Variants in RIC1 observed in about 807,000 individuals in gnomAD.
RIC1 encodes RIC1 partner of RAB6A GEF complex.
In RIC1, 88 loss-of-function variants were observed where a neutral mutation model predicts 169.0. The observed-to-expected ratio is 0.52, with a 90% CI of 0.44 to 0.62. The LOEUF is 0.62. Among genes scored for constraint, RIC1 ranks in the 20% least tolerant of loss-of-function variants. The pLI is 0.00. For synonymous variants in RIC1, 790 were observed against 601.5 expected (o/e 1.31, Z -4.59); for missense variants, 1,877 against 1,725.5 (o/e 1.09, Z -1.56).
chr9:5,762,520 C>T (rs371929340), intron 17 of RIC1, 21 bp from the exon 18 acceptor site: 607 of 1,612,292 alleles, frequency 3.8e-4, no homozygotes, highest in Admixed American at 6.7e-4. Flanking sequence ...ATGAATTTAG[C>T]TGCTTTTTCT....
At chr9:5,686,470 C>G (rs1821233836) in intron 2 of RIC1, among the ~76,000 whole-genome samples, 1 of 152,080 alleles carries the variant, frequency 6.6e-6, no homozygotes, top group African/African-American at 2.4e-5. Context: ...AGTTCATGTC[C>G]TTTGTAGAGA....
At chr9:5,678,408 C>T (rs2130621124) in intron 2 of RIC1, among the ~76,000 whole-genome samples, 1 of 151,922 alleles carries the variant, frequency 6.6e-6, no homozygotes, top group Non-Finnish European at 1.5e-5. Context: ...TTCTAGATCC[C>T]TGAGGAATCG....
At chr9:5,695,278 G>A (rs1196404163) in intron 3 of RIC1, among the ~76,000 whole-genome samples, 1 of 152,220 alleles carries the variant, frequency 6.6e-6, no homozygotes, top group African/African-American at 2.4e-5. Flanking sequence ...ATAATTTATA[G>A]TTAGTAAGAA....
chr9:5,756,283 A>G lies in RIC1; in HGVS notation c.1764A>G (p.Thr588=). The G allele has an allele frequency of 1.2e-6, 2 of 1,604,272 alleles. No individual in the cohort carries two copies. The highest frequency in any genetic ancestry group is 1.7e-6 in the Non-Finnish European group (2 of 1,173,334). Residue 588 remains threonine (T), a synonymous_variant, in exon 16 of 26, where the codon ACA becomes ACG. Transcript: ENST00000414202. ...FAHVTKAQAE[T]LLLSVFQDMV... ...ATGTCACCAAAGCACAAGCAGAAAC[A>G]TTACTGCTTAGTGTCTTCCAGGACA...
intron 2 of RIC1, among the ~76,000 whole-genome samples, chr9:5,669,092 G>T (rs2130550514): frequency 6.6e-6 from 1 of 152,198 alleles, no homozygotes; most frequent in South Asian, 2.1e-4. Context: ...ATGATTTTTT[G>T]AAACTCTTTT....
At chr9:5,675,395 G>T (rs922245835) in intron 2 of RIC1, among the ~76,000 whole-genome samples, 1 of 152,080 alleles carries the variant, frequency 6.6e-6, no homozygotes, top group Non-Finnish European at 1.5e-5. Flanking sequence ...GCAAAGAATT[G>T]AACTTACTGA....
chr9:5,637,203 G>A (rs751316953), intron 1 of RIC1, among the ~76,000 whole-genome samples: 30 of 152,054 alleles, frequency 2.0e-4, no homozygotes, highest in Non-Finnish European at 2.9e-4. Context: ...GGGACTACAG[G>A]TGTGCCCCAC....
intron 21 of RIC1, among the ~76,000 whole-genome samples, chr9:5,768,402 C>T (rs906549705): frequency 3.9e-5 from 6 of 152,116 alleles, no homozygotes; most frequent in Non-Finnish European, 8.8e-5. Context: ...TGGCAAGTAC[C>T]TGTAGTCCCA....
intron 4 of RIC1, 41 bp from the exon 5 acceptor site, chr9:5,720,141 C>T (rs754792807): frequency 1.3e-6 from 2 of 1,545,592 alleles, no homozygotes; most frequent in Admixed American, 1.7e-5. Flanking sequence ...ACATTGCTTT[C>T]CCAGTATGCT....
At chr9:5,751,481 G>A (rs1189114628) in intron 12 of RIC1, among the ~76,000 whole-genome samples, 7 of 151,680 alleles carry the variant, frequency 4.6e-5, no homozygotes, top group Non-Finnish European at 7.4e-5. Flanking sequence ...TCAGCTTCCC[G>A]AGTAGCTGGG....
rs2130385502 is a variant in RIC1 at position 5,649,194 on chromosome 9, A to T, written c.145-7389A>T. The stretch of plus-strand genomic sequence containing the variant: ...CAAGTGTCTTCTTAGACCACAGTAG[A>T]ATCCTCAAACTAGAAATTAATACCA... On this transcript the variant is annotated intron_variant, in intron 1 of 25. Transcript: ENST00000414202. Among the ~76,000 whole-genome samples the T allele has an allele frequency of 3.3e-5, 5 of 152,320 alleles. No individual in the cohort carries two copies. The South Asian group carries it at 1.0e-3, about 32-fold the overall frequency.
intron 3 of RIC1, among the ~76,000 whole-genome samples, chr9:5,705,191 TG>T (rs747306446): frequency 1.6e-5 from 2 of 125,158 alleles, no homozygotes; most frequent in Admixed American, 8.0e-5. Context: ...TTCCCATTTC[TG>T]TTTTTTTTTT....
chr9:5,734,719 C>T (rs1824591573), intron 7 of RIC1, among the ~76,000 whole-genome samples: 1 of 151,548 alleles, frequency 6.6e-6, no homozygotes, highest in African/African-American at 2.4e-5. Context: ...CTCTTATTCC[C>T]TCCTTGACTC....
At chr9:5,665,398 A>G (rs1819694189) in intron 2 of RIC1, among the ~76,000 whole-genome samples, 1 of 152,138 alleles carries the variant, frequency 6.6e-6, no homozygotes, top group South Asian at 2.1e-4. Flanking sequence ...CCTTTAGCTC[A>G]GTGAAGTTCG....
chr9:5,725,788 CT>C (rs1357750212), intron 6 of RIC1, among the ~76,000 whole-genome samples: 1 of 152,060 alleles, frequency 6.6e-6, no homozygotes, highest in Non-Finnish European at 1.5e-5. Context: ...CAAAGAACAT[CT>C]TTATTTCTGC....
intron 24 of RIC1, 30 bp downstream of exon 24, chr9:5,772,771 A>C: frequency 1.3e-6 from 2 of 1,589,920 alleles, no homozygotes; most frequent in South Asian, 2.3e-5. Context: ...GAAATCACAG[A>C]ATGCCTACTC....
chr9:5,711,473 G>A (rs984798788), intron 3 of RIC1, among the ~76,000 whole-genome samples: 3 of 152,012 alleles, frequency 2.0e-5, no homozygotes, highest in Non-Finnish European at 4.4e-5. Flanking sequence ...TCTGTGTTCA[G>A]TTTTCCCATT....
intron 3 of RIC1, among the ~76,000 whole-genome samples, chr9:5,707,385 G>T (rs1483165590): frequency 6.6e-6 from 1 of 151,978 alleles, no homozygotes; most frequent in Non-Finnish European, 1.5e-5. Flanking sequence ...TGTGTCTTAG[G>T]TCTAAGTGGT....
chr9:5,766,844 T>G (rs1488403006), intron 21 of RIC1, among the ~76,000 whole-genome samples: 2 of 152,234 alleles, frequency 1.3e-5, no homozygotes, highest in African/African-American at 4.8e-5. Flanking sequence ...CTTCTTTTCC[T>G]CTGGGTAGAA....
Sources: allele counts gnomAD v4.1 joint callset (sites outside exome capture counted in the v4.1 genomes callset), GRCh38; gene constraint gnomAD v4.1.1; transcripts MANE v1.5; gene names NCBI Gene and HGNC (gene_info 2026-07-23, HGNC 2026-07-21).